ACIN1: variants seen among roughly 807,000 people sequenced by gnomAD.
The protein encoded by ACIN1 is apoptotic chromatin condensation inducer 1.
A neutral mutation model predicts 146.6 loss-of-function variants in ACIN1; 16 were observed. The observed-to-expected ratio is 0.11, with a 90% CI of 0.07 to 0.17. The LOEUF (loss-of-function observed/expected upper bound fraction) is 0.17. Among genes scored for constraint, ACIN1 ranks in the 10% least tolerant of loss-of-function variants. The pLI is 1.00. For missense variants in ACIN1, 1,357 were observed against 1,609.3 expected, an observed-to-expected ratio of 0.84 and a Z score of 2.68; for synonymous variants, 569 against 582.7, an observed-to-expected ratio of 0.98 and a Z score of 0.34.
chr14:23,093,337 G>A (rs1341441354), intron 2 of ACIN1, 142 bp downstream of exon 2: 6 of 807,566 alleles, frequency 7.4e-6, no homozygotes, highest in Non-Finnish European at 1.2e-5. Context: ...GAATTCAACT[G>A]TCCTGGTTTG....
Position 23,058,947 on chromosome 14 carries a change from G to A in ACIN1, c.*201C>T, listed in dbSNP as rs1389772569. 3.5e-6 allele frequency: 2 copies of A among 574,904 alleles called. No individual in the cohort carries two copies. The highest frequency in any genetic ancestry group is 2.8e-5 in the East Asian group (1 of 35,880). The allele number at this position is 574,904 out of a possible 1,614,324, so 35.6% of individuals were successfully genotyped here. A position where few individuals can be genotyped will look rare whatever the true frequency, so the allele number is the denominator to read the frequency against. On this transcript the variant is annotated 3_prime_UTR_variant, in exon 19 of 19. Coordinates refer to ENST00000605057, the MANE Select transcript of ACIN1 (RefSeq NM_001386863.1). The stretch of plus-strand genomic sequence containing the variant: ...GACTTAATGGGAAATGAGAGGGAGG[G>A]TCGGGCTAAGTCCCAAGAGATAGGT...
rs1217953348 is a variant in ACIN1 at position 23,075,321 on chromosome 14, CCCTT to C, written c.2123+2826_2123+2829del. On this transcript the variant is annotated intron_variant, in intron 8 of 18. Transcript: ENST00000605057. ...AACAAATCCCCTCTTTTCTTTCTTC[CCCTT>C]TTTTTTTTTTTTTTTTTAAGTAAAA... Among the ~76,000 whole-genome samples, 9 of 135,820 alleles carry C rather than the reference CCCTT, an allele frequency of 6.6e-5. No homozygotes were observed. In the East Asian group the frequency reaches 1.8e-3, roughly 27 times the overall value. 89.1% of individuals were successfully genotyped at this position (135,820 alleles called of 152,430 possible).
upstream of ACIN1, chr14:23,095,234 C>T (rs763787344): frequency 4.3e-6 from 7 of 1,611,708 alleles, no homozygotes; most frequent in East Asian, 4.5e-5. Context: ...TCGATTACCA[C>T]TCAGAACTCC....
Position 23,063,445 on chromosome 14 carries a change from C to A in ACIN1, c.2728G>T (p.Val910Leu), listed in dbSNP as rs992727717. ...ACAATATGTCACTCACCTTTCTTTA[C>A]TTCATGCTCTGCAGGTGGGGGCAAG... ...VALPPPAEHEVKKVTLGDTLT... is the reference protein window; with the variant it reads ...VALPPPAEHELKKVTLGDTLT... Residue 910 changes from valine to leucine, a missense_variant, in exon 13 of 19, where the codon GTA (valine) becomes TTA (leucine). Physicochemically the swap from Val to Leu is conservative, Grantham distance 32. Transcript: ENST00000605057. 4.3e-6 allele frequency: 7 copies of A among 1,614,072 alleles called. No individual in the cohort carries two copies. Among genetic ancestry groups the A allele is most frequent in the Non-Finnish European group, 5.9e-6 (7 of 1,179,984 alleles).
At position 23,062,201 on chromosome 14, in the gene ACIN1, T is replaced by C; in HGVS notation, c.3066A>G (p.Lys1022=). 6.2e-7 allele frequency: 1 copy of C among 1,613,960 alleles called. No individual in the cohort carries two copies. The highest frequency in any genetic ancestry group is 8.5e-7 in the Non-Finnish European group (1 of 1,179,990). The change falls in exon 16 of 19, where the codon AAA becomes AAG. Residue 1022 remains lysine (K), a synonymous_variant. Coordinates refer to ENST00000605057, the MANE Select transcript of ACIN1 (RefSeq NM_001386863.1). ...HGVKWPQSNP[K]FLCADYAEQD... ...GCTCGGCATAGTCAGCACAAAGGAA[T>C]TTGGGATTGGACTGGGGCCATTTGA...
At position 23,090,069 on chromosome 14, in the gene ACIN1, G is replaced by A. The variant is rs1324623650; in HGVS notation, c.349C>T (p.His117Tyr). ...ASAESEDEMI[H>Y]PEGVASLLPP... ...AGCAGGGAAGCCACTCCCTCAGGAT[G>A]GATCATCTCGTCCTCCGACTCAGCT... Residue 117 changes from histidine (H) to tyrosine (Y), a missense_variant, in exon 4 of 19, where the codon CAT becomes TAT. Coordinates refer to ENST00000605057, the MANE Select transcript of ACIN1 (RefSeq NM_001386863.1). 6.2e-7 allele frequency: 1 copy of A among 1,613,822 alleles called. No homozygotes were observed. The highest frequency in any genetic ancestry group is 2.2e-5 in the East Asian group (1 of 44,900).
chr14:23,078,741 T>C, intron 7 of ACIN1, 79 bp downstream of exon 7: 2 of 1,452,530 alleles, frequency 1.4e-6, no homozygotes, highest in African/African-American at 2.8e-5. Flanking sequence ...ACTTAACTTT[T>C]TAGTTTTATA....
At chr14:23,087,970 T>C (rs754557096) in intron 4 of ACIN1, among the ~76,000 whole-genome samples, 3 of 152,210 alleles carry the variant, frequency 2.0e-5, no homozygotes, top group Non-Finnish European at 4.4e-5. Flanking sequence ...TTATGAGGCT[T>C]TCTCTAATCA....
At chr14:23,086,661 A>AT (rs1333157950) in intron 4 of ACIN1, among the ~76,000 whole-genome samples, 6 of 151,904 alleles carry the variant, frequency 3.9e-5, no homozygotes, top group African/African-American at 9.7e-5. Flanking sequence ...AATGTTTTCT[A>AT]TTTTTTTGTA....
At chr14:23,069,664 C>T in intron 8 of ACIN1, 47 bp from the exon 9 acceptor site, 2 of 1,546,612 alleles carry the variant, frequency 1.3e-6, no homozygotes, top group Non-Finnish European at 1.8e-6. Flanking sequence ...AGAAAAGAAC[C>T]AAGGGGAAGA....
chr14:23,090,126 G>C, intron 3 of ACIN1, 25 bp from the exon 4 acceptor site: 2 of 1,607,934 alleles, frequency 1.2e-6, no homozygotes, highest in Non-Finnish European at 1.7e-6. Flanking sequence ...TCGGGTCGGG[G>C]CAGGGAGGGA....
intron 6 of ACIN1, 125 bp downstream of exon 6, chr14:23,079,422 T>C: frequency 6.9e-7 from 1 of 1,452,482 alleles, no homozygotes; most frequent in Non-Finnish European, 9.3e-7. Flanking sequence ...AAGTAATCAG[T>C]GAAGGAGAGT....
At chr14:23,061,268 G>A (rs2139990314) in intron 17 of ACIN1, 30 bp downstream of exon 17, 1 of 1,613,610 alleles carries the variant, frequency 6.2e-7, no homozygotes, top group Non-Finnish European at 8.5e-7. Context: ...CCTACTAGTG[G>A]GTATGCGTAC....
intron 8 of ACIN1, among the ~76,000 whole-genome samples, chr14:23,076,050 A>G (rs534316075): frequency 2.0e-5 from 3 of 152,280 alleles, no homozygotes; most frequent in South Asian, 4.1e-4. Flanking sequence ...CGCTTTCAAA[A>G]TTGGCCAGAG....
intron 18 of ACIN1, 87 bp downstream of exon 18, chr14:23,060,997 T>C: frequency 7.7e-7 from 1 of 1,291,610 alleles, no homozygotes; most frequent in Non-Finnish European, 1.1e-6. Flanking sequence ...TTGGGCCGAC[T>C]CACTCTCGCA....
rs374377958 is a variant in ACIN1 at position 23,089,082 on chromosome 14, C to A, written c.436+900G>T. On this transcript the variant is annotated intron_variant, in intron 4 of 18. Coordinates refer to ENST00000605057, the MANE Select transcript of ACIN1 (RefSeq NM_001386863.1). ...TTGAGACACAGTCTCGCTCTATTGT[C>A]CAGGCTGAAGTGCAATGGTGCAATC... 4.6e-5 allele frequency among the ~76,000 whole-genome samples: 7 copies of A among 152,162 alleles called. No homozygotes were observed. The South Asian group carries it at 1.2e-3, about 27-fold the overall frequency.
rs2140143867 is a variant in ACIN1, at chr14:23,079,014, C to T, written c.1813G>A (p.Asp605Asn). 1.2e-6 allele frequency: 2 copies of T among 1,614,122 alleles called. No homozygotes were observed. Among genetic ancestry groups the T allele is most frequent in the Non-Finnish European group, 1.7e-6 (2 of 1,180,018 alleles). Residue 605 changes from aspartate to asparagine, a missense_variant, in exon 7 of 19, where the codon GAC becomes AAC. Asp to Asn is a conservative substitution (Grantham distance 23, BLOSUM62 1). Coordinates refer to ENST00000605057, the MANE Select transcript of ACIN1 (RefSeq NM_001386863.1). ...RKSLSPGVSR[D>N]SSTSYTETKD... ...GTTTCAGTATAGCTGGTGCTGCTGTCCCTGGAGACTCCAGGGCTCAGAGAC... is the reference window on the plus strand; with the variant it reads ...GTTTCAGTATAGCTGGTGCTGCTGTTCCTGGAGACTCCAGGGCTCAGAGAC...
chr14:23,067,752 A>G lies in ACIN1; in HGVS notation c.2265+1724T>C. ...AGTGGCAAGCTGCAGCAATAACACCACCCAATACTTGGAATCCAGGTGATG... is the reference window on the plus strand; with the variant it reads ...AGTGGCAAGCTGCAGCAATAACACCGCCCAATACTTGGAATCCAGGTGATG... On this transcript the variant is annotated intron_variant, in intron 9 of 18. Coordinates refer to ENST00000605057, the MANE Select transcript of ACIN1 (RefSeq NM_001386863.1). This position sits in a 1 kb window ranked among gnomAD's most constrained non-coding sequence, Gnocchi z 4.6. The G allele has an allele frequency of 1.0e-6, 1 of 985,604 alleles. No individual in the cohort carries two copies. The highest frequency in any genetic ancestry group is 1.2e-6 in the Non-Finnish European group (1 of 829,902). The allele number at this position is 985,604 out of a possible 1,614,324, so 61.1% of individuals were successfully genotyped here. A position where few individuals can be genotyped will look rare whatever the true frequency, so the allele number is the denominator to read the frequency against.
At chr14:23,064,897 A>G (rs2047401262) in intron 10 of ACIN1, among the ~76,000 whole-genome samples, 1 of 33,588 alleles carries the variant, frequency 3.0e-5, no homozygotes. Flanking sequence ...ACTCCGTCTC[A>G]AAAAAAAAAA....
Sources: gnomAD v4.1 joint callset for allele counts (sites outside exome capture counted in the v4.1 genomes callset) on GRCh38, gnomAD v4.1.1 for gene constraint, Gnocchi (gnomAD v3.1) non-coding constraint, MANE v1.5 for transcripts, NCBI Gene and HGNC (gene_info 2026-07-23, HGNC 2026-07-21) for gene names.